The following CAMK2D variants were observed in gnomAD, a reference collection of about 807,000 sequenced individuals.
CAMK2D encodes calcium/calmodulin dependent protein kinase II delta, also known as calcium/calmodulin-dependent protein kinase type II subunit delta.
CAMK2D carries 37 observed loss-of-function variants against 84.0 expected under a neutral mutation model. The observed-to-expected ratio is 0.44, with a 90% CI of 0.34 to 0.58. CAMK2D has a LOEUF of 0.58. Ranked by LOEUF, CAMK2D falls within the 20% of genes least tolerant of loss-of-function variation. The probability of loss-of-function intolerance (pLI) is 0.02; values close to 1 mark genes in which losing one functional copy is unlikely to be tolerated. For synonymous variants in CAMK2D, 202 were observed against 212.5 expected, an observed-to-expected ratio of 0.95 and a Z score of 0.43; for missense variants, 448 against 652.5, an observed-to-expected ratio of 0.69 and a Z score of 3.41.
intron 2 of CAMK2D, among the ~76,000 whole-genome samples, chr4:113,748,364 T>C (rs1181905114): frequency 6.6e-6 from 1 of 152,120 alleles, no homozygotes; most frequent in East Asian, 1.9e-4. Context: ...GCTCGCATAC[T>C]TTGTCATTGG....
chr4:113,511,751 A>C (rs17046131), intron 12 of CAMK2D, among the ~76,000 whole-genome samples: 2,329 of 152,336 alleles, frequency 0.015, 71 homozygotes, highest in African/African-American at 0.053. Flanking sequence ...TTATTACACT[A>C]AATGAATTGG....
intron 16 of CAMK2D, among the ~76,000 whole-genome samples, chr4:113,474,678 C>A (rs1327638581): frequency 1.3e-5 from 2 of 151,830 alleles, no homozygotes; most frequent in Admixed American, 6.6e-5. Flanking sequence ...AGAAGTTTTG[C>A]TCTTGTCCCC....
At chr4:113,554,028 G>T (rs75031334) in intron 4 of CAMK2D, among the ~76,000 whole-genome samples, 7,226 of 151,990 alleles carry the variant, frequency 0.048, 435 homozygotes, top group African/African-American at 0.14. Flanking sequence ...GACAATTTTG[G>T]ATTGTTAAAA....
chr4:113,661,091 G>A (rs1187860518), intron 3 of CAMK2D, among the ~76,000 whole-genome samples: 1 of 152,078 alleles, frequency 6.6e-6, no homozygotes, highest in South Asian at 2.1e-4. Context: ...CACCGCGCCC[G>A]GCCTGTAGCT....
intron 3 of CAMK2D, among the ~76,000 whole-genome samples, chr4:113,623,826 T>G (rs1447782005): frequency 1.3e-5 from 2 of 152,090 alleles, no homozygotes; most frequent in Non-Finnish European, 2.9e-5. Flanking sequence ...TAATCAGTCT[T>G]CTGTGTAAGG....
In CAMK2D at chr4:113,452,385, C is replaced by T. The variant is rs1398178943; in HGVS notation, c.*2160G>A. On this transcript the variant is annotated 3_prime_UTR_variant, in exon 21 of 21. Transcript: ENST00000511664. ...CACTATGCAGGCATACATACAGTAC[C>T]TCTTCTGAAGAAATAAAGATGGACG... The T allele has an allele frequency of 6.6e-6, 1 of 152,318 alleles. No homozygotes were observed. Among genetic ancestry groups the T allele is most frequent in the African/African-American group, 2.4e-5 (1 of 41,438 alleles). The allele number at this position is 152,318 out of a possible 1,614,324, so 9.4% of individuals were successfully genotyped here. A position where few individuals can be genotyped will look rare whatever the true frequency, so the allele number is the denominator to read the frequency against.
At chr4:113,664,568 T>C (rs1406593264) in intron 2 of CAMK2D, among the ~76,000 whole-genome samples, 1 of 152,184 alleles carries the variant, frequency 6.6e-6, no homozygotes, top group Non-Finnish European at 1.5e-5. Context: ...CCTCAGTTCC[T>C]TGCATGTGCC....
chr4:113,605,066 C>G (rs2154263507), intron 4 of CAMK2D, among the ~76,000 whole-genome samples: 1 of 152,284 alleles, frequency 6.6e-6, no homozygotes, highest in African/African-American at 2.4e-5. Context: ...CCTCCCTTAT[C>G]TGCCTAAAAG....
intron 4 of CAMK2D, among the ~76,000 whole-genome samples, chr4:113,594,815 G>A (rs1391427925): frequency 6.6e-6 from 1 of 152,292 alleles, no homozygotes; most frequent in East Asian, 1.9e-4. Context: ...GACAAAAAGT[G>A]TAAATATGTG....
In CAMK2D at chr4:113,618,554, G is replaced by A. The variant is rs548206829; in HGVS notation, c.221-9348C>T. Among the ~76,000 whole-genome samples the A allele has an allele frequency of 3.3e-5, 5 of 152,190 alleles. No homozygotes were observed. The East Asian group carries it at 9.7e-4, about 29-fold the overall frequency. Reference sequence around the variant, plus strand: ...TATGTCCTATAAGCAGGAAATCTGTGAGTTTAAAATCCTAATACATGTTAA... The same window carrying A: ...TATGTCCTATAAGCAGGAAATCTGTAAGTTTAAAATCCTAATACATGTTAA... On this transcript the variant is annotated intron_variant, in intron 3 of 20. Transcript: ENST00000511664.
intron 4 of CAMK2D, among the ~76,000 whole-genome samples, chr4:113,557,698 T>G (rs1442787429): frequency 6.6e-6 from 1 of 152,214 alleles, no homozygotes; most frequent in Non-Finnish European, 1.5e-5. Context: ...GCTGGTTTAC[T>G]GAGTCAGATT....
chr4:113,486,901 AT>A (rs1271208178), intron 16 of CAMK2D, among the ~76,000 whole-genome samples: 1 of 152,136 alleles, frequency 6.6e-6, no homozygotes, highest in African/African-American at 2.4e-5. Flanking sequence ...TCTCTCAATC[AT>A]TTGTGTCTTT....
chr4:113,649,402 T>C (rs142523614), intron 3 of CAMK2D, among the ~76,000 whole-genome samples: 226 of 152,322 alleles, frequency 1.5e-3, no homozygotes, highest in African/African-American at 4.9e-3. Flanking sequence ...CTGACACACA[T>C]ATATAATAAC....
At chr4:113,609,819 T>A (rs1176321931) in intron 3 of CAMK2D, among the ~76,000 whole-genome samples, 2 of 152,220 alleles carry the variant, frequency 1.3e-5, no homozygotes, top group African/African-American at 2.4e-5. Flanking sequence ...ATTTACCAAG[T>A]CATTAGCCCA....
chr4:113,757,056 T>C (rs2099630117), intron 2 of CAMK2D, among the ~76,000 whole-genome samples: 1 of 152,076 alleles, frequency 6.6e-6, no homozygotes, highest in Admixed American at 6.5e-5. Context: ...GAACACCCCA[T>C]GAGACTCCAT....
At chr4:113,568,230 A>G (rs1208622670) in intron 4 of CAMK2D, among the ~76,000 whole-genome samples, 1 of 152,096 alleles carries the variant, frequency 6.6e-6, no homozygotes, top group Non-Finnish European at 1.5e-5. Context: ...AAAACTATCC[A>G]TTCCCCCTCT....
intron 7 of CAMK2D, 107 bp from the exon 8 acceptor site, chr4:113,531,406 T>C: frequency 1.5e-6 from 1 of 685,984 alleles, no homozygotes; most frequent in Non-Finnish European, 2.7e-6. Context: ...ATTATATGTT[T>C]TTCAAAACAC....
chr4:113,719,767 G>A (rs2099524749), intron 2 of CAMK2D, among the ~76,000 whole-genome samples: 1 of 152,052 alleles, frequency 6.6e-6, no homozygotes. Flanking sequence ...TTTATTATAT[G>A]GGATCCCAAA....
chr4:113,546,198 A>G (rs1349275664), intron 6 of CAMK2D, among the ~76,000 whole-genome samples: 1 of 152,356 alleles, frequency 6.6e-6, no homozygotes, highest in East Asian at 1.9e-4. Flanking sequence ...AATGATGTGC[A>G]TGTTCATATA....
Sources: gnomAD v4.1 joint callset for allele counts (sites outside exome capture counted in the v4.1 genomes callset) on GRCh38, gnomAD v4.1.1 for gene constraint, MANE v1.5 for transcripts, NCBI Gene and HGNC (gene_info 2026-07-23, HGNC 2026-07-21) for gene names.